The following GABRG3 variants were observed in gnomAD, a reference collection of about 807,000 sequenced individuals.
The protein encoded by GABRG3 is gamma-aminobutyric acid type A receptor subunit gamma3.
Under a neutral mutation model 48.8 loss-of-function variants are expected in GABRG3, and 25 were observed. That is an observed-to-expected ratio of 0.51 (90% CI 0.37 to 0.72). The LOEUF is 0.72. Ranked by LOEUF, GABRG3 falls within the 30% of genes least tolerant of loss-of-function variation. The pLI is 0.00. For synonymous variants in GABRG3, 227 were observed against 217.6 expected (o/e 1.04, Z -0.38); for missense variants, 394 against 577.9 (o/e 0.68, Z 3.26).
chr15:27,216,215 C>T (rs967014213), intron 3 of GABRG3, among the ~76,000 whole-genome samples: 1 of 152,178 alleles, frequency 6.6e-6, no homozygotes, highest in Non-Finnish European at 1.5e-5. Context: ...GGGTGCAGGG[C>T]CCTCTGCAAA....
chr15:27,038,531 A>G (rs1896218389), intron 3 of GABRG3, among the ~76,000 whole-genome samples: 1 of 152,170 alleles, frequency 6.6e-6, no homozygotes, highest in Non-Finnish European at 1.5e-5. Context: ...CTTCCCTGGC[A>G]CCACGCTCTT....
chr15:27,008,553 G>A (rs1283113562), intron 2 of GABRG3, among the ~76,000 whole-genome samples: 1 of 152,128 alleles, frequency 6.6e-6, no homozygotes, highest in East Asian at 1.9e-4. Flanking sequence ...GCAGGCCTGT[G>A]TGGCCTCCAT....
At chr15:27,314,679 C>T (rs1893151264) in intron 3 of GABRG3, among the ~76,000 whole-genome samples, 1 of 152,088 alleles carries the variant, frequency 6.6e-6, no homozygotes, top group Non-Finnish European at 1.5e-5. Flanking sequence ...TGGCAGTTGG[C>T]TAAAGAGAAT....
intron 5 of GABRG3, among the ~76,000 whole-genome samples, chr15:27,451,177 A>G (rs1217802498): frequency 6.6e-6 from 1 of 152,210 alleles, no homozygotes; most frequent in African/African-American, 2.4e-5. Flanking sequence ...TCAGAAATAG[A>G]AAAATAAAAT....
At chr15:27,177,112 G>C (rs186581795) in intron 3 of GABRG3, among the ~76,000 whole-genome samples, 1 of 152,224 alleles carries the variant, frequency 6.6e-6, no homozygotes, top group Admixed American at 6.5e-5. Flanking sequence ...CTAGAGAATA[G>C]GTACTGCTGA....
At chr15:27,417,041 G>A (rs1447718689) in intron 5 of GABRG3, among the ~76,000 whole-genome samples, 50 of 152,206 alleles carry the variant, frequency 3.3e-4, no homozygotes, top group Admixed American at 3.2e-3. Context: ...TAGAGCAGTG[G>A]TTCTTAGCTG....
chr15:27,297,963 A>C (rs959081974), intron 3 of GABRG3, among the ~76,000 whole-genome samples: 23 of 121,474 alleles, frequency 1.9e-4, no homozygotes, highest in Non-Finnish European at 3.9e-4. Flanking sequence ...ACAACTACTA[A>C]TAATATAATT....
chr15:27,141,299 G>T (rs1359159357), intron 3 of GABRG3, among the ~76,000 whole-genome samples: 1 of 151,684 alleles, frequency 6.6e-6, no homozygotes, highest in Non-Finnish European at 1.5e-5. Flanking sequence ...AATTGTTACA[G>T]CCCAGACTAG....
chr15:27,344,278 T>C (rs1894290744), intron 5 of GABRG3, among the ~76,000 whole-genome samples: 1 of 152,252 alleles, frequency 6.6e-6, no homozygotes, highest in Non-Finnish European at 1.5e-5. Context: ...AGGCCTGGTT[T>C]AAAGGAAGGA....
intron 3 of GABRG3, among the ~76,000 whole-genome samples, chr15:27,233,762 G>A (rs1005482915): frequency 2.6e-5 from 4 of 152,286 alleles, no homozygotes; most frequent in South Asian, 2.1e-4. Flanking sequence ...GATACCAGAC[G>A]CCTGTACAAA....
At chr15:27,397,881 T>A (rs1196747424) in intron 5 of GABRG3, among the ~76,000 whole-genome samples, 1 of 150,638 alleles carries the variant, frequency 6.6e-6, no homozygotes, top group Non-Finnish European at 1.5e-5. Context: ...CTCGGCTCAC[T>A]GCAAGCTCCG....
At chr15:27,034,090 A>C (rs938188098) in intron 3 of GABRG3, among the ~76,000 whole-genome samples, 1 of 152,238 alleles carries the variant, frequency 6.6e-6, no homozygotes, top group Admixed American at 6.5e-5. Context: ...GATACCATCT[A>C]ACTCACCATG....
chr15:27,464,904 C>A (rs573753624), intron 5 of GABRG3, among the ~76,000 whole-genome samples: 1 of 152,084 alleles, frequency 6.6e-6, no homozygotes, highest in South Asian at 2.1e-4. Flanking sequence ...TCATTCTGTG[C>A]CAGCACTCTT....
intron 5 of GABRG3, among the ~76,000 whole-genome samples, chr15:27,449,982 A>G (rs1889060577): frequency 6.6e-6 from 1 of 152,250 alleles, no homozygotes. Context: ...TATTCACAAT[A>G]TATGAAACAT....
chr15:27,334,453 C>T (rs1189869299), intron 5 of GABRG3, among the ~76,000 whole-genome samples: 2 of 151,894 alleles, frequency 1.3e-5, no homozygotes, highest in Non-Finnish European at 2.9e-5. Context: ...GATTAAAATC[C>T]CAAAGTTGAG....
intron 1 of GABRG3, among the ~76,000 whole-genome samples, chr15:26,972,138 G>A (rs952795030): frequency 6.6e-6 from 1 of 151,980 alleles, no homozygotes. Context: ...CCCCTCCCAG[G>A]TCCTGCAAAC....
At chr15:27,381,012 G>T (rs1039052196) in intron 5 of GABRG3, among the ~76,000 whole-genome samples, 4 of 152,020 alleles carry the variant, frequency 2.6e-5, no homozygotes, top group African/African-American at 9.7e-5. Context: ...TGATCCACCC[G>T]CCTCGGCCTC....
At chr15:27,038,248 G>A (rs1006316218) in intron 3 of GABRG3, among the ~76,000 whole-genome samples, 5 of 152,198 alleles carry the variant, frequency 3.3e-5, no homozygotes, top group Non-Finnish European at 7.3e-5. Context: ...GCTGGCAGGT[G>A]CAGCGTATGG....
At chr15:27,150,864 T>C (rs1406439339) in intron 3 of GABRG3, among the ~76,000 whole-genome samples, 1 of 152,176 alleles carries the variant, frequency 6.6e-6, no homozygotes, top group Non-Finnish European at 1.5e-5. Flanking sequence ...AGAGAGAATT[T>C]GGTCAAGCTG....
Sources: gnomAD v4.1 joint callset for allele counts (sites outside exome capture counted in the v4.1 genomes callset) on GRCh38, gnomAD v4.1.1 for gene constraint, MANE v1.5 for transcripts, NCBI Gene and HGNC (gene_info 2026-07-23, HGNC 2026-07-21) for gene names.